CDH4: variants seen among roughly 807,000 people sequenced by gnomAD.
CDH4 encodes the protein cadherin 4.
A neutral mutation model predicts 86.0 loss-of-function variants in CDH4; 33 were observed. The ratio of observed to expected loss-of-function variants is 0.38; its 90% CI spans 0.29 to 0.51. CDH4 has a LOEUF of 0.51. CDH4 is among the 20% of genes least tolerant of loss of function. CDH4 has a pLI of 0.86. For missense variants in CDH4, 1,114 were observed against 1,307.4 expected (o/e 0.85, Z 2.28); for synonymous variants, 555 against 549.4 (o/e 1.01, Z -0.14).
At chr20:61,561,013 C>T (rs1241950242) in intron 2 of CDH4, among the ~76,000 whole-genome samples, 1 of 152,152 alleles carries the variant, frequency 6.6e-6, no homozygotes, top group Non-Finnish European at 1.5e-5. Flanking sequence ...GTGATCAGGC[C>T]ATTGATTATG....
At chr20:61,256,802 G>A (rs2084100690) in intron 2 of CDH4, among the ~76,000 whole-genome samples, 1 of 152,238 alleles carries the variant, frequency 6.6e-6, no homozygotes, top group Admixed American at 6.5e-5. Flanking sequence ...AGGGGCTGTA[G>A]TCGCATTGCT....
intron 2 of CDH4, among the ~76,000 whole-genome samples, chr20:61,519,528 C>G (rs993397447): frequency 2.6e-5 from 4 of 152,200 alleles, no homozygotes; most frequent in Non-Finnish European, 5.9e-5. Flanking sequence ...ACATTTTCTC[C>G]AAAGGCATTG....
chr20:61,489,299 A>T (rs559101408), intron 2 of CDH4, among the ~76,000 whole-genome samples: 1 of 152,316 alleles, frequency 6.6e-6, no homozygotes, highest in East Asian at 1.9e-4. Context: ...CAGCCCAGTG[A>T]CTATTATTGA....
intron 2 of CDH4, among the ~76,000 whole-genome samples, chr20:61,286,033 G>A (rs1184887534): frequency 6.6e-6 from 1 of 152,224 alleles, no homozygotes; most frequent in Non-Finnish European, 1.5e-5. Flanking sequence ...CAGATTCCAT[G>A]TGTTAAGTAT....
At chr20:61,667,999 G>A (rs2087346134) in intron 2 of CDH4, among the ~76,000 whole-genome samples, 1 of 152,214 alleles carries the variant, frequency 6.6e-6, no homozygotes, top group Non-Finnish European at 1.5e-5. Context: ...TTGAGAGGCT[G>A]GAAGCACTTT....
intron 2 of CDH4, among the ~76,000 whole-genome samples, chr20:61,375,769 GTGGTCATAGCAC>G (rs2084865549): frequency 9.6e-6 from 1 of 104,410 alleles, no homozygotes; most frequent in Non-Finnish European, 2.0e-5. Flanking sequence ...GGTGCTGGTG[GTGGTCATAGCAC>G]TGGTGGTGAT....
At chr20:61,396,794 A>G (rs1160549683) in intron 2 of CDH4, among the ~76,000 whole-genome samples, 1 of 152,144 alleles carries the variant, frequency 6.6e-6, no homozygotes. Context: ...CCTAGGAGGG[A>G]GATGCCGGGG....
intron 6 of CDH4, among the ~76,000 whole-genome samples, chr20:61,855,446 C>T (rs1025031554): frequency 2.6e-5 from 4 of 152,130 alleles, no homozygotes; most frequent in Non-Finnish European, 5.9e-5. Context: ...CCAAAGAAAA[C>T]GGATGAGGAC....
chr20:61,403,285 C>G (rs2085059995), intron 2 of CDH4, among the ~76,000 whole-genome samples: 1 of 152,216 alleles, frequency 6.6e-6, no homozygotes, highest in African/African-American at 2.4e-5. Context: ...TTGGGCTTCA[C>G]TTACAGGAGC....
intron 2 of CDH4, among the ~76,000 whole-genome samples, chr20:61,398,516 G>C (rs1166246942): frequency 6.6e-6 from 1 of 152,206 alleles, no homozygotes; most frequent in Non-Finnish European, 1.5e-5. Context: ...ATGGGTAGGA[G>C]GAGACCAGGG....
intron 3 of CDH4, among the ~76,000 whole-genome samples, chr20:61,753,435 T>C (rs2088522834): frequency 6.6e-6 from 1 of 152,242 alleles, no homozygotes; most frequent in Admixed American, 6.5e-5. Flanking sequence ...GCAGCCTTTC[T>C]GTGGGCAATG....
At chr20:61,532,746 G>T (rs2085965168) in intron 2 of CDH4, among the ~76,000 whole-genome samples, 1 of 152,182 alleles carries the variant, frequency 6.6e-6, no homozygotes, top group Non-Finnish European at 1.5e-5. Context: ...GGTTCTAGGG[G>T]AGATTGGGGA....
At position 61,852,776 on chromosome 20, in the gene CDH4, T is replaced by C. The variant is rs751697060; in HGVS notation, c.755T>C (p.Met252Thr). The C allele has an allele frequency of 3.1e-6, 5 of 1,613,438 alleles. 1 individual carries two copies. The South Asian group carries it at 5.5e-5, about 18-fold the overall frequency. ...CAGCTCCGAGCCCACGCTGTGGACA[T>C]GAATGGCAACAAGGTGGAGAACCCC... ...SYHLRAHAVD[M>T]NGNKVENPID... is the part of the protein sequence containing the mutation. Residue 252 changes from methionine (M) to threonine (T), a missense_variant, in exon 6 of 16, where the codon ATG becomes ACG. Met to Thr is a moderately conservative substitution (Grantham distance 81). This residue lies in a region of CDH4 where 705 missense variants were observed against 914.1 expected (regional missense o/e 0.77). Coordinates refer to ENST00000614565, the MANE Select transcript of CDH4 (RefSeq NM_001794.5).
chr20:61,642,178 G>C (rs1271727923), intron 2 of CDH4, among the ~76,000 whole-genome samples: 1 of 152,250 alleles, frequency 6.6e-6, no homozygotes, highest in Non-Finnish European at 1.5e-5. Context: ...AGCCCAGGTT[G>C]TAGTCATCTT....
chr20:61,272,657 G>A (rs1002542660), intron 2 of CDH4, among the ~76,000 whole-genome samples: 4 of 152,142 alleles, frequency 2.6e-5, no homozygotes, highest in Non-Finnish European at 5.9e-5. Context: ...TGGGCAGTTT[G>A]AGGGAGTACT....
intron 2 of CDH4, among the ~76,000 whole-genome samples, chr20:61,429,952 T>C (rs920506821): frequency 2.0e-5 from 3 of 152,332 alleles, no homozygotes; most frequent in Admixed American, 2.0e-4. Flanking sequence ...ATTTCAGGCA[T>C]ATTTGTGTGC....
chr20:61,416,335 A>G (rs1056376591), intron 2 of CDH4, among the ~76,000 whole-genome samples: 2 of 152,180 alleles, frequency 1.3e-5, no homozygotes, highest in East Asian at 3.9e-4. Flanking sequence ...ACATTCCATC[A>G]TAGGGTAGAC....
At chr20:61,261,360 C>T (rs779315256) in intron 2 of CDH4, among the ~76,000 whole-genome samples, 15 of 152,168 alleles carry the variant, frequency 9.9e-5, no homozygotes, top group Non-Finnish European at 1.8e-4. Context: ...AACTCACTGA[C>T]GCTGTGACTT....
intron 2 of CDH4, among the ~76,000 whole-genome samples, chr20:61,273,659 A>C (rs1248978616): frequency 8.1e-6 from 1 of 123,032 alleles, no homozygotes; most frequent in African/African-American, 3.2e-5. Context: ...TACTGTGTGC[A>C]GTTTGGGGCA....
Sources: gnomAD v4.1 joint callset for allele counts (sites outside exome capture counted in the v4.1 genomes callset) on GRCh38, gnomAD v4.1.1 for gene constraint, gnomAD v4.1.1 regional missense constraint, MANE v1.5 for transcripts, NCBI Gene and HGNC (gene_info 2026-07-23, HGNC 2026-07-21) for gene names.